Variants in OSBP2 observed in about 807,000 individuals in gnomAD.
The protein encoded by OSBP2 is oxysterol-binding protein 2.
Under a neutral mutation model 96.0 loss-of-function variants are expected in OSBP2, and 66 were observed. That is an observed-to-expected ratio of 0.69 (90% confidence interval 0.56 to 0.84). The LOEUF is 0.84. Ranked by LOEUF, OSBP2 falls within the 40% of genes least tolerant of loss-of-function variation. The pLI is 0.00. For missense variants in OSBP2, 1,038 were observed against 1,222.7 expected (o/e 0.85, Z 2.25); for synonymous variants, 525 against 520.9 (o/e 1.01, Z -0.11).
chr22:30,853,091 G>T (rs546348396), intron 2 of OSBP2, among the ~76,000 whole-genome samples: 1 of 152,146 alleles, frequency 6.6e-6, no homozygotes, highest in East Asian at 1.9e-4. Context: ...TTCTGCCATC[G>T]TAGGATGTAG....
chr22:30,764,784 CAGTCCTGAGG>C (rs2090250272), intron 2 of OSBP2, among the ~76,000 whole-genome samples: 1 of 152,188 alleles, frequency 6.6e-6, no homozygotes, highest in Non-Finnish European at 1.5e-5. Flanking sequence ...TCAGACCCCT[CAGTCCTGAGG>C]AGGAGAGAAG....
intron 2 of OSBP2, chr22:30,822,766 C>T: frequency 3.5e-6 from 5 of 1,421,090 alleles, no homozygotes; most frequent in Non-Finnish European, 4.8e-6. Context: ...CGCATGCACG[C>T]CCGGTGCCTG....
chr22:30,899,883 A>G lies in OSBP2; in HGVS notation c.2375+5882A>G, dbSNP rs75541088. Among the ~76,000 whole-genome samples the G allele has an allele frequency of 4.4e-3, 673 of 152,328 alleles. 4 individuals are homozygous for G. Among genetic ancestry groups the G allele is most frequent in the African/African-American group, 0.015 (623 of 41,564 alleles). On this transcript the variant is annotated intron_variant, in intron 12 of 13. Transcript: ENST00000332585. Reference sequence around the variant, plus strand: ...AACAGATTTCAATAGATTCAGAAAAATCATTTTAGGTGCCTAGATACAAGA... The same window carrying G: ...AACAGATTTCAATAGATTCAGAAAAGTCATTTTAGGTGCCTAGATACAAGA...
intron 2 of OSBP2, among the ~76,000 whole-genome samples, chr22:30,848,752 G>A (rs2038921081): frequency 6.6e-6 from 1 of 152,074 alleles, no homozygotes; most frequent in Non-Finnish European, 1.5e-5. Flanking sequence ...TATGTAGTTT[G>A]TTCGTTTTTA....
At chr22:30,856,373 C>CTTTTTTTTTTTTTTTT (rs56875088) in intron 2 of OSBP2, among the ~76,000 whole-genome samples, 29 of 101,426 alleles carry the variant, frequency 2.9e-4, no homozygotes, top group African/African-American at 6.1e-4. Flanking sequence ...CAGAGCCCTT[C>CTTTTTTTTTTTTTTTT]TTTTTTTTTT....
At chr22:30,892,894 C>G (rs2039979508) in intron 8 of OSBP2, among the ~76,000 whole-genome samples, 2 of 152,192 alleles carry the variant, frequency 1.3e-5, no homozygotes, top group Admixed American at 1.3e-4. Context: ...AGCCCAGGAG[C>G]CAGGCACTGA....
intron 1 of OSBP2, among the ~76,000 whole-genome samples, chr22:30,740,514 GT>G (rs983301919): frequency 1.3e-5 from 2 of 152,150 alleles, no homozygotes; most frequent in African/African-American, 4.8e-5. Context: ...TCCCATCTTT[GT>G]TTAAACTATA....
intron 8 of OSBP2, 51 bp from the exon 9 acceptor site, chr22:30,893,071 A>G (rs1421517521): frequency 1.2e-6 from 2 of 1,603,624 alleles, no homozygotes; most frequent in East Asian, 2.2e-5. Flanking sequence ...GGGCAAGTGG[A>G]ACCTGGGCTC....
At chr22:30,869,848 T>C (rs2039421621) in intron 2 of OSBP2, among the ~76,000 whole-genome samples, 2 of 152,090 alleles carry the variant, frequency 1.3e-5, no homozygotes, top group Admixed American at 1.3e-4. Context: ...GAAGGTTCCA[T>C]GCAGTGGGGA....
At chr22:30,737,340 T>TA (rs1391893854) in intron 1 of OSBP2, among the ~76,000 whole-genome samples, 4 of 141,714 alleles carry the variant, frequency 2.8e-5, no homozygotes, top group Non-Finnish European at 6.1e-5. Context: ...TTTTTTTTTT[T>TA]AAAGACAGGG....
At position 30,889,643 on chromosome 22, in the gene OSBP2, G is replaced by A. The variant is rs1326265638; in HGVS notation, c.1623+7G>A. On this transcript the variant is annotated splice_region_variant and intron_variant, in intron 7 of 13. Coordinates refer to ENST00000332585, the MANE Select transcript of OSBP2 (RefSeq NM_030758.4). ...CTCCAGGATCCCCATGCCGGTGGGTGGCTCGGGCAGGGCAGCCCCGACAGG... is the reference window on the plus strand; with the variant it reads ...CTCCAGGATCCCCATGCCGGTGGGTAGCTCGGGCAGGGCAGCCCCGACAGG... 3 of 1,613,660 alleles carry A rather than the reference G, an allele frequency of 1.9e-6. No homozygotes were observed. The highest frequency in any genetic ancestry group is 1.7e-5 in the Admixed American group (1 of 60,006).
chr22:30,832,829 G>A (rs2147008379), intron 2 of OSBP2, among the ~76,000 whole-genome samples: 1 of 152,310 alleles, frequency 6.6e-6, no homozygotes, highest in Non-Finnish European at 1.5e-5. Flanking sequence ...CTGGGCAGTG[G>A]CGCACTGCAG....
intron 2 of OSBP2, among the ~76,000 whole-genome samples, chr22:30,782,094 C>T (rs912620684): frequency 2.0e-5 from 3 of 152,010 alleles, no homozygotes; most frequent in Non-Finnish European, 4.4e-5. Context: ...TGCAGTGAGC[C>T]GAGATTACGC....
chr22:30,889,435 C>G, intron 6 of OSBP2, 55 bp from the exon 7 acceptor site: 1 of 1,605,082 alleles, frequency 6.2e-7, no homozygotes, highest in South Asian at 1.1e-5. Flanking sequence ...ACTTGGAAGC[C>G]AAGGGGGCGC....
In OSBP2 at chr22:30,730,806, A is replaced by ATT. The variant is rs1555908802; in HGVS notation, c.645-10354_645-10353insTT. On this transcript the variant is annotated intron_variant, in intron 1 of 13. Coordinates refer to ENST00000332585, the MANE Select transcript of OSBP2 (RefSeq NM_030758.4). ...TATATATATATATATATATATATAT[A>ATT]TAATTTTTTTTTTTTTTCCCATGGA... Among the ~76,000 whole-genome samples the ATT allele has an allele frequency of 5.3e-4, 22 of 41,564 alleles. 4 individuals are homozygous for ATT. The highest frequency in any genetic ancestry group is 2.6e-3 in the African/African-American group (20 of 7,760). 27.3% of individuals were successfully genotyped at this position (41,564 alleles called of 152,430 possible).
At chr22:30,786,569 A>C (rs1352126664) in intron 2 of OSBP2, among the ~76,000 whole-genome samples, 3 of 151,910 alleles carry the variant, frequency 2.0e-5, no homozygotes. Flanking sequence ...TGCCTAGAGG[A>C]GGTGATATGT....
intron 2 of OSBP2, among the ~76,000 whole-genome samples, chr22:30,798,387 C>T (rs1214193640): frequency 1.3e-5 from 2 of 152,126 alleles, no homozygotes; most frequent in Non-Finnish European, 2.9e-5. Context: ...TGTTTTTACT[C>T]TGTTGATAGT....
At chr22:30,826,210 T>C (rs1274200292) in intron 2 of OSBP2, among the ~76,000 whole-genome samples, 1 of 152,050 alleles carries the variant, frequency 6.6e-6, no homozygotes, top group African/African-American at 2.4e-5. Flanking sequence ...AATAGGGACT[T>C]TTAGGGGACA....
intron 1 of OSBP2, among the ~76,000 whole-genome samples, chr22:30,737,364 C>T (rs370271842): frequency 1.4e-5 from 2 of 142,616 alleles, no homozygotes; most frequent in East Asian, 2.2e-4. Flanking sequence ...CACTCTGTCA[C>T]TCAGGCTGGA....
Sources: gnomAD v4.1 joint callset for allele counts (sites outside exome capture counted in the v4.1 genomes callset) on GRCh38, gnomAD v4.1.1 for gene constraint, MANE v1.5 for transcripts, NCBI Gene and HGNC (gene_info 2026-07-23, HGNC 2026-07-21) for gene names.